The following PDIA5 variants were observed in gnomAD, a reference collection of about 807,000 sequenced individuals.
PDIA5 encodes the protein protein disulfide isomerase family A member 5.
In PDIA5, 58 loss-of-function variants were observed where a neutral mutation model predicts 77.6. That is an observed-to-expected ratio of 0.75 (90% confidence interval 0.61 to 0.93). PDIA5 has a LOEUF of 0.93. Among genes scored for constraint, PDIA5 ranks in the 40% least tolerant of loss-of-function variants. PDIA5 has a pLI of 0.00. For synonymous variants in PDIA5, 250 were observed against 252.1 expected, an observed-to-expected ratio of 0.99 and a Z score of 0.08; for missense variants, 630 against 647.7, an observed-to-expected ratio of 0.97 and a Z score of 0.30.
intron 15 of PDIA5, among the ~76,000 whole-genome samples, chr3:123,155,803 C>T (rs1476360685): frequency 2.0e-5 from 3 of 152,166 alleles, no homozygotes; most frequent in African/African-American, 7.2e-5. Context: ...CATTCACACA[C>T]ACCCAAACCC....
chr3:123,135,654 A>G (rs1390924781), intron 11 of PDIA5, among the ~76,000 whole-genome samples: 2 of 151,222 alleles, frequency 1.3e-5, no homozygotes, highest in African/African-American at 2.4e-5. Context: ...AAAGCAATAT[A>G]TAACCTTTGT....
At chr3:123,124,621 T>A (rs770285734) in intron 10 of PDIA5, among the ~76,000 whole-genome samples, 4 of 152,216 alleles carry the variant, frequency 2.6e-5, no homozygotes, top group Non-Finnish European at 5.9e-5. Flanking sequence ...ACCTCCCGTC[T>A]CCACGGGTTG....
intron 6 of PDIA5, among the ~76,000 whole-genome samples, chr3:123,108,904 G>T (rs557698907): frequency 6.6e-6 from 1 of 151,348 alleles, no homozygotes; most frequent in Admixed American, 6.6e-5. Flanking sequence ...GCATGTGGGG[G>T]CAGGGAAAGA....
intron 11 of PDIA5, among the ~76,000 whole-genome samples, chr3:123,141,591 C>T (rs1014810553): frequency 5.9e-5 from 9 of 152,194 alleles, no homozygotes; most frequent in African/African-American, 2.2e-4. Context: ...CAGGGGAGGT[C>T]AGCCTGAAAG....
At chr3:123,092,516 G>A in intron 3 of PDIA5, 74 bp downstream of exon 3, 2 of 1,043,046 alleles carry the variant, frequency 1.9e-6, no homozygotes, top group Admixed American at 1.7e-5. Flanking sequence ...GTGGGGACAG[G>A]AACTGTCTCT....
At chr3:123,073,523 C>T (rs1933779853) in intron 1 of PDIA5, among the ~76,000 whole-genome samples, 1 of 152,178 alleles carries the variant, frequency 6.6e-6, no homozygotes, top group African/African-American at 2.4e-5. Flanking sequence ...TTCACTGTCC[C>T]CTATTGCCAC....
At chr3:123,115,217 G>A (rs1020669076) in intron 7 of PDIA5, among the ~76,000 whole-genome samples, 14 of 152,184 alleles carry the variant, frequency 9.2e-5, no homozygotes, top group African/African-American at 3.4e-4. Context: ...AGAGGCAGTC[G>A]GAAAGGGTAA....
At chr3:123,084,533 C>A (rs1934086251) in intron 1 of PDIA5, among the ~76,000 whole-genome samples, 1 of 152,086 alleles carries the variant, frequency 6.6e-6, no homozygotes, top group African/African-American at 2.4e-5. Flanking sequence ...TCCGTGGGGA[C>A]TTCATTTACT....
rs147212724 is a variant in PDIA5 at position 123,158,985 on chromosome 3, G to A, written c.1345-2336G>A. Among the ~76,000 whole-genome samples, 11 of 152,356 alleles carry A rather than the reference G, an allele frequency of 7.2e-5. No individual in the cohort carries two copies. In the East Asian group the frequency reaches 2.1e-3, roughly 29 times the overall value. ...AAACGCGCGTGGATTCACCTTTGCA[G>A]CTAGAAGTTGCATTCCATGTGTGCG... On this transcript the variant is annotated intron_variant, in intron 15 of 16. Transcript: ENST00000316218.
intron 1 of PDIA5, 80 bp from the exon 2 acceptor site, chr3:123,089,088 G>T: frequency 7.1e-7 from 1 of 1,404,990 alleles, no homozygotes; most frequent in African/African-American, 1.4e-5. Context: ...GCAGCTCTAG[G>T]CAGCACATCC....
chr3:123,075,005 G>C (rs1169634536), intron 1 of PDIA5, among the ~76,000 whole-genome samples: 1 of 152,154 alleles, frequency 6.6e-6, no homozygotes, highest in Non-Finnish European at 1.5e-5. Flanking sequence ...AGTTAAGTAG[G>C]ATGCAAATTA....
intron 3 of PDIA5, among the ~76,000 whole-genome samples, chr3:123,095,430 G>C (rs940594247): frequency 4.6e-5 from 7 of 152,122 alleles, no homozygotes; most frequent in African/African-American, 1.7e-4. Flanking sequence ...CCCAGGCCAT[G>C]GGTGTTTTGC....
chr3:123,090,520 A>C (rs1485710121), intron 2 of PDIA5, among the ~76,000 whole-genome samples: 1 of 152,216 alleles, frequency 6.6e-6, no homozygotes, highest in Non-Finnish European at 1.5e-5. Context: ...TCCAGTATAC[A>C]AATGAGGAAA....
chr3:123,077,650 T>G (rs1478601456), intron 1 of PDIA5, among the ~76,000 whole-genome samples: 2 of 152,076 alleles, frequency 1.3e-5, no homozygotes, highest in Admixed American at 6.6e-5. Context: ...TGGGTAGACA[T>G]TTGAACATTG....
chr3:123,128,354 T>G (rs1409679594), intron 10 of PDIA5, among the ~76,000 whole-genome samples: 1 of 152,226 alleles, frequency 6.6e-6, no homozygotes, highest in Non-Finnish European at 1.5e-5. Flanking sequence ...CGCCTCTGTG[T>G]TTAACTAGAA....
At chr3:123,073,776 G>A (rs1405094155) in intron 1 of PDIA5, among the ~76,000 whole-genome samples, 2 of 152,216 alleles carry the variant, frequency 1.3e-5, no homozygotes, top group African/African-American at 4.8e-5. Context: ...CGCAAGGGTG[G>A]AGTGTCCATT....
chr3:123,093,135 A>G (rs746974467), intron 3 of PDIA5, among the ~76,000 whole-genome samples: 2 of 152,172 alleles, frequency 1.3e-5, no homozygotes, highest in African/African-American at 2.4e-5. Flanking sequence ...ACTGATTTAT[A>G]AGTTGATGAC....
chr3:123,108,127 C>T (rs758489011), intron 6 of PDIA5, among the ~76,000 whole-genome samples: 2 of 152,028 alleles, frequency 1.3e-5, no homozygotes, highest in African/African-American at 2.4e-5. Context: ...CTTGTTGGCC[C>T]AGAAGAAAAT....
Position 123,124,309 on chromosome 3 carries a change from TC to T in PDIA5, c.741del (p.Thr248GlnfsTer9). ...CTTGTTCCAGTATGACAACTATGGG[TC>T]CACAGCTGAGGACATTGTGGAGTGG... ...RFLFQYDNYG[S>X]TAEDIVEWLK... On this transcript the variant is annotated frameshift_variant, in exon 10 of 17. Transcript: ENST00000316218. LOFTEE classifies it high-confidence loss of function. 1 of 1,613,786 alleles carries T rather than the reference TC, an allele frequency of 6.2e-7. No homozygotes were observed. The highest frequency in any genetic ancestry group is 1.7e-5 in the Admixed American group (1 of 60,020).
Sources: gnomAD v4.1 joint callset for allele counts (sites outside exome capture counted in the v4.1 genomes callset) on GRCh38, gnomAD v4.1.1 for gene constraint, MANE v1.5 for transcripts, NCBI Gene and HGNC (gene_info 2026-07-23, HGNC 2026-07-21) for gene names.